The following AGTPBP1 variants were observed in gnomAD, a reference collection of about 807,000 sequenced individuals.
AGTPBP1 encodes cytosolic carboxypeptidase 1.
In AGTPBP1, 70 loss-of-function variants were observed where a neutral mutation model predicts 143.9. The observed-to-expected ratio is 0.49, with a 90% CI of 0.40 to 0.59. AGTPBP1 has a LOEUF of 0.59. Among genes scored for constraint, AGTPBP1 ranks in the 20% least tolerant of loss-of-function variants. AGTPBP1 has a pLI of 0.00. For synonymous variants in AGTPBP1, 463 were observed against 500.2 expected (o/e 0.93, Z 0.99); for missense variants, 1,229 against 1,464.5 (o/e 0.84, Z 2.62).
the AGTPBP1 span, among the ~76,000 whole-genome samples, chr9:85,759,204 C>T: frequency 2.6e-5 from 4 of 152,152 alleles, no homozygotes; most frequent in Non-Finnish European, 5.9e-5. Flanking sequence ...CAATATTAGA[C>T]AGATCCATGA....
intron 1 of AGTPBP1, among the ~76,000 whole-genome samples, chr9:85,722,004 C>T (rs1027498732): frequency 2.0e-5 from 3 of 152,208 alleles, no homozygotes; most frequent in Non-Finnish European, 4.4e-5. Flanking sequence ...AGCCCCCACT[C>T]TCTTCTGGCT....
At position 85,649,606 on chromosome 9, in the gene AGTPBP1, C is replaced by T. The variant is rs1020903020; in HGVS notation, c.1088-3188G>A. ...GATTTAGCTAGAGTTTTCAAAACTA[C>T]GGTAAATAATAATGGTTGAGAGAGG... On this transcript the variant is annotated intron_variant, in intron 11 of 25. Transcript: ENST00000357081. Among the ~76,000 whole-genome samples the T allele has an allele frequency of 6.6e-5, 10 of 152,114 alleles. No homozygotes were observed. In the South Asian group the frequency reaches 8.3e-4, roughly 13 times the overall value.
intron 1 of AGTPBP1, among the ~76,000 whole-genome samples, chr9:85,723,377 C>T (rs1838258490): frequency 6.6e-6 from 1 of 152,202 alleles, no homozygotes; most frequent in African/African-American, 2.4e-5. Flanking sequence ...GAGCACAAAA[C>T]CACCCATTCA....
chr9:85,691,945 C>T (rs888148733), intron 3 of AGTPBP1, among the ~76,000 whole-genome samples: 3 of 152,078 alleles, frequency 2.0e-5, no homozygotes, highest in Non-Finnish European at 4.4e-5. Context: ...TCATGACAAC[C>T]GTGTGATATT....
At chr9:85,741,144 G>A (rs1824234139) in intron 1 of AGTPBP1, 2 of 869,148 alleles carry the variant, frequency 2.3e-6, no homozygotes, top group Non-Finnish European at 2.8e-6. Flanking sequence ...CTGTCATCCA[G>A]GGTGATCTGA....
At chr9:85,586,702 A>G in intron 22 of AGTPBP1, 129 bp downstream of exon 22, 1 of 1,148,760 alleles carries the variant, frequency 8.7e-7, no homozygotes, top group Non-Finnish European at 1.2e-6. Flanking sequence ...CAAACATTCA[A>G]CCTTATAAAA....
chr9:85,677,309 A>T, intron 6 of AGTPBP1, 127 bp downstream of exon 6: 1 of 843,988 alleles, frequency 1.2e-6, no homozygotes, highest in Non-Finnish European at 1.8e-6. Flanking sequence ...AAACATGTAC[A>T]ATTATTGTGT....
At chr9:85,800,567 T>G in the AGTPBP1 span, among the ~76,000 whole-genome samples, 1 of 152,160 alleles carries the variant, frequency 6.6e-6, no homozygotes, top group Admixed American at 6.5e-5. Flanking sequence ...TTTTATTCCT[T>G]TACTGTCATT....
At chr9:85,663,607 T>C (rs1444717074) in intron 8 of AGTPBP1, among the ~76,000 whole-genome samples, 1 of 147,126 alleles carries the variant, frequency 6.8e-6, no homozygotes, top group Non-Finnish European at 1.5e-5. Context: ...AAAAGACCCA[T>C]AATGATGGGG....
At chr9:85,620,153 G>T (rs568033665) in intron 15 of AGTPBP1, among the ~76,000 whole-genome samples, 1 of 152,082 alleles carries the variant, frequency 6.6e-6, no homozygotes, top group Non-Finnish European at 1.5e-5. Flanking sequence ...GGTCACACTT[G>T]TAATCCCGGT....
chr9:85,627,351 TG>T (rs1040677874), intron 14 of AGTPBP1, among the ~76,000 whole-genome samples: 13 of 152,178 alleles, frequency 8.5e-5, no homozygotes, highest in African/African-American at 3.1e-4. Flanking sequence ...ACCACATATA[TG>T]GTCTCACCCC....
At chr9:85,680,961 A>AG (rs1421164351) in intron 4 of AGTPBP1, among the ~76,000 whole-genome samples, 2 of 152,236 alleles carry the variant, frequency 1.3e-5, no homozygotes, top group African/African-American at 4.8e-5. Context: ...TATACCAACT[A>AG]AAATGGCATG....
At chr9:85,553,035 T>A (rs1200342402) in intron 25 of AGTPBP1, among the ~76,000 whole-genome samples, 1 of 152,220 alleles carries the variant, frequency 6.6e-6, no homozygotes, top group Non-Finnish European at 1.5e-5. Flanking sequence ...TTATATAATT[T>A]ATAAAATTTT....
chr9:85,590,800 T>C (rs1476980588), intron 19 of AGTPBP1, among the ~76,000 whole-genome samples: 3 of 152,172 alleles, frequency 2.0e-5, no homozygotes, highest in East Asian at 1.9e-4. Flanking sequence ...GACCAGAGGA[T>C]AGAACAGGGC....
chr9:85,751,724 C>T, the AGTPBP1 span, among the ~76,000 whole-genome samples: 3 of 152,122 alleles, frequency 2.0e-5, no homozygotes, highest in South Asian at 2.1e-4. Flanking sequence ...AAGCGATTCT[C>T]GTGCCTCAGC....
Position 85,655,321 on chromosome 9 carries a change from C to T in AGTPBP1, c.910-1G>A. On this transcript the variant is annotated splice_acceptor_variant, in intron 10 of 25. Transcript: ENST00000357081. LOFTEE classifies it high-confidence loss of function. ...CCAGAGTCCTGACTGCCAGACATTC[C>T]TGTTTTTTAAAAAAAGAAAAAGAAA... 1 of 1,478,182 alleles carries T rather than the reference C, an allele frequency of 6.8e-7. No homozygotes were observed. Among genetic ancestry groups the T allele is most frequent in the African/African-American group, 1.4e-5 (1 of 69,198 alleles). 91.6% of individuals were successfully genotyped at this position (1,478,182 alleles called of 1,614,324 possible). A position where few individuals can be genotyped will look rare whatever the true frequency, so the allele number is the denominator to read the frequency against.
At position 85,547,282 on chromosome 9, in the gene AGTPBP1, T is replaced by C; in HGVS notation, c.3508A>G (p.Thr1170Ala). The C allele has an allele frequency of 6.2e-7, 1 of 1,608,266 alleles. No homozygotes were observed. Among genetic ancestry groups the C allele is most frequent in the Non-Finnish European group, 8.5e-7 (1 of 1,177,768 alleles). Residue 1170 changes from threonine to alanine, a missense_variant, in exon 26 of 26, where the codon ACC becomes GCC. Thr to Ala is a moderately conservative substitution (Grantham distance 58). Transcript: ENST00000357081. ...IESSCKVTSP[T>A]TYVLDEDEPR... ...TCATCTTCATCCAAGACATAAGTGG[T>C]AGGGCTGCAGCCAAAACACACAGAA...
the AGTPBP1 span, among the ~76,000 whole-genome samples, chr9:85,781,797 T>C: frequency 6.6e-6 from 1 of 152,222 alleles, no homozygotes. Context: ...AAAAATGTAA[T>C]AGAACCCATT....
chr9:85,638,292 T>C (rs1305114208), intron 13 of AGTPBP1, among the ~76,000 whole-genome samples: 1 of 152,092 alleles, frequency 6.6e-6, no homozygotes, highest in Non-Finnish European at 1.5e-5. Context: ...TATTTGTCAA[T>C]AATCAAACTA....
Sources: allele counts gnomAD v4.1 joint callset (sites outside exome capture counted in the v4.1 genomes callset), GRCh38; gene constraint gnomAD v4.1.1; transcripts MANE v1.5; gene names NCBI Gene and HGNC (gene_info 2026-07-23, HGNC 2026-07-21).